UBR3: variants seen among roughly 807,000 people sequenced by gnomAD.
UBR3 encodes the protein E3 ubiquitin-protein ligase UBR3.
In UBR3, 85 loss-of-function variants were observed where a neutral mutation model predicts 243.2. The observed-to-expected ratio is 0.35, with a 90% confidence interval of 0.29 to 0.42. The LOEUF (loss-of-function observed/expected upper bound fraction) is 0.42. UBR3 is among the 10% of genes least tolerant of loss of function. The probability of loss-of-function intolerance (pLI) is 1.00; values close to 1 mark genes in which losing one functional copy is unlikely to be tolerated. For missense variants in UBR3, 1,686 were observed against 2,300.8 expected (o/e 0.73, Z 5.47); for synonymous variants, 748 against 799.8 (o/e 0.94, Z 1.09).
At chr2:169,927,044 C>T (rs781244724) in intron 16 of UBR3, 73 bp downstream of exon 16, 541 of 1,490,022 alleles carry the variant, frequency 3.6e-4, no homozygotes, top group Non-Finnish European at 4.6e-4. Flanking sequence ...GTGGTAGTAA[C>T]TGGCTTAGGG....
chr2:169,969,918 G>A (rs897971570), intron 24 of UBR3, among the ~76,000 whole-genome samples: 6 of 144,732 alleles, frequency 4.1e-5, no homozygotes, highest in Non-Finnish European at 7.5e-5. Flanking sequence ...TTTGATGTCA[G>A]GAAGTATGAT....
intron 5 of UBR3, among the ~76,000 whole-genome samples, chr2:169,888,721 A>G (rs2084210201): frequency 6.6e-6 from 1 of 152,190 alleles, no homozygotes; most frequent in African/African-American, 2.4e-5. Context: ...CATTATAATG[A>G]CATATTTTCC....
At chr2:169,835,998 T>C (rs67950523) in intron 1 of UBR3, among the ~76,000 whole-genome samples, 7,363 of 31,218 alleles carry the variant, frequency 0.24, 956 homozygotes, top group Non-Finnish European at 0.34. Context: ...GCACTGTCTC[T>C]CTCTCTCTCT....
At chr2:169,967,255 T>G (rs2087860510) in intron 24 of UBR3, among the ~76,000 whole-genome samples, 1 of 68,984 alleles carries the variant, frequency 1.4e-5, no homozygotes, top group African/African-American at 5.7e-5. Flanking sequence ...CTACAGGGTA[T>G]GCGCCCCCCG....
chr2:169,886,010 A>C (rs1402914238), intron 5 of UBR3, among the ~76,000 whole-genome samples: 2 of 152,046 alleles, frequency 1.3e-5, no homozygotes, highest in African/African-American at 4.8e-5. Context: ...TACAAAAATT[A>C]GCCCAGCATG....
In UBR3 at chr2:170,061,345, T is replaced by C. The variant is rs1429381714; in HGVS notation, c.4921T>C (p.Ser1641Pro). The C allele has an allele frequency of 2.5e-5, 40 of 1,614,042 alleles. No homozygotes were observed. The highest frequency in any genetic ancestry group is 3.3e-5 in the Non-Finnish European group (39 of 1,180,010). ...TAACCCTATTGCTTGGTCTCCTGAA[T>C]CCATGGAAAAATGCTTACAGGACTT... ...MVNPIAWSPESMEKCLQDFCL... is the reference protein window; with the variant it reads ...MVNPIAWSPEPMEKCLQDFCL... The change falls in exon 35 of 39, where the codon TCC becomes CCC. Residue 1641 changes from serine to proline, a missense_variant. Coordinates refer to ENST00000272793, the MANE Select transcript of UBR3 (RefSeq NM_172070.4).
At chr2:170,029,609 C>T (rs1424171610) in intron 31 of UBR3, among the ~76,000 whole-genome samples, 161 bp downstream of exon 31, 1 of 152,032 alleles carries the variant, frequency 6.6e-6, no homozygotes, top group African/African-American at 2.4e-5. Context: ...TACCATTATG[C>T]TGTCTGTAAA....
chr2:169,950,276 T>C (rs372130186), intron 23 of UBR3, among the ~76,000 whole-genome samples: 14 of 152,224 alleles, frequency 9.2e-5, no homozygotes, highest in African/African-American at 3.1e-4. Flanking sequence ...CTGACCCCAA[T>C]GTAAAATTAC....
At chr2:170,065,983 T>G (rs1301121605) in intron 35 of UBR3, among the ~76,000 whole-genome samples, 2 of 151,194 alleles carry the variant, frequency 1.3e-5, no homozygotes, top group Non-Finnish European at 2.9e-5. Flanking sequence ...TTTTTTTTTT[T>G]GCTTTTATTA....
intron 35 of UBR3, among the ~76,000 whole-genome samples, chr2:170,062,284 A>G (rs2091472546): frequency 6.6e-6 from 1 of 152,172 alleles, no homozygotes; most frequent in Non-Finnish European, 1.5e-5. Flanking sequence ...TAGGAATGTG[A>G]TCCTGACTTA....
chr2:169,848,545 C>T (rs966650597), intron 1 of UBR3, among the ~76,000 whole-genome samples: 2 of 151,486 alleles, frequency 1.3e-5, no homozygotes, highest in African/African-American at 4.9e-5. Flanking sequence ...GGGCAGTTAC[C>T]TAAGTGAACT....
rs72194627 is a variant in UBR3, at chr2:169,983,252, C to CTTTTTTTTTTTTTTTTTT, written c.3635-3388_3635-3371dup. 1.3e-4 allele frequency among the ~76,000 whole-genome samples: 9 copies of CTTTTTTTTTTTTTTTTTT among 71,988 alleles called. 1 individual carries two copies. The highest frequency in any genetic ancestry group is 4.7e-4 in the African/African-American group (8 of 16,906). The allele number at this position is 71,988 out of a possible 152,430, so 47.2% of individuals were successfully genotyped here. On this transcript the variant is annotated intron_variant, in intron 24 of 38. Coordinates refer to ENST00000272793, the MANE Select transcript of UBR3 (RefSeq NM_172070.4). ...TGTTGTTTTTGCCACATTCTCTCTCCTTTTTTTTTTTTTTTTTTTTTTGAG... is the reference window on the plus strand; with the variant it reads ...TGTTGTTTTTGCCACATTCTCTCTCCTTTTTTTTTTTTTTTTTTTTTTTTTTTTTTTTTTTTTTTTGAG...
intron 5 of UBR3, among the ~76,000 whole-genome samples, chr2:169,879,084 A>T (rs1164455477): frequency 6.6e-6 from 1 of 151,854 alleles, no homozygotes. Context: ...TTCAATTTTT[A>T]TAGTGTTTAT....
intron 1 of UBR3, among the ~76,000 whole-genome samples, chr2:169,850,977 G>A (rs1226468788): frequency 6.6e-6 from 1 of 152,008 alleles, no homozygotes; most frequent in African/African-American, 2.4e-5. Flanking sequence ...TTACATTTCT[G>A]CTTTTCTACT....
At chr2:169,920,469 T>TAAA (rs58208606) in intron 11 of UBR3, among the ~76,000 whole-genome samples, 2 of 151,946 alleles carry the variant, frequency 1.3e-5, no homozygotes, top group South Asian at 2.1e-4. Flanking sequence ...AGTATAATAA[T>TAAA]AAAGTAAAAG....
chr2:169,904,557 G>C (rs2084945935), intron 8 of UBR3, among the ~76,000 whole-genome samples: 1 of 151,998 alleles, frequency 6.6e-6, no homozygotes, highest in African/African-American at 2.4e-5. Flanking sequence ...CAAGGCTTAA[G>C]AAGTTGGTGT....
At chr2:169,968,100 C>A (rs576712598) in intron 24 of UBR3, among the ~76,000 whole-genome samples, 1 of 152,002 alleles carries the variant, frequency 6.6e-6, no homozygotes, top group Non-Finnish European at 1.5e-5. Flanking sequence ...ATAATAACTA[C>A]ATATTTATGA....
In UBR3 at chr2:169,886,968, T is replaced by C. The variant is rs74621731; in HGVS notation, c.1039-4197T>C. Among the ~76,000 whole-genome samples the C allele has an allele frequency of 8.5e-5, 13 of 152,294 alleles. No homozygotes were observed. In the East Asian group the frequency reaches 2.5e-3, roughly 29 times the overall value. On this transcript the variant is annotated intron_variant, in intron 5 of 38. Coordinates refer to ENST00000272793, the MANE Select transcript of UBR3 (RefSeq NM_172070.4). ...TAGCCCTGTGTAGTCTGTGTTAATA[T>C]TCTTTGAGTATTGTTGTAACCAGCT...
intron 8 of UBR3, among the ~76,000 whole-genome samples, chr2:169,901,472 C>T (rs2084820280): frequency 6.6e-6 from 1 of 152,112 alleles, no homozygotes; most frequent in Non-Finnish European, 1.5e-5. Context: ...AAGCTTTTCC[C>T]ATTTTTACAC....
Sources: gnomAD v4.1 joint callset for allele counts (sites outside exome capture counted in the v4.1 genomes callset) on GRCh38, gnomAD v4.1.1 for gene constraint, MANE v1.5 for transcripts, NCBI Gene and HGNC (gene_info 2026-07-23, HGNC 2026-07-21) for gene names.